Variants in XKR4 observed in about 807,000 individuals in gnomAD.
XKR4 encodes XK related 4.
XKR4 carries 12 observed loss-of-function variants against 53.9 expected under a neutral mutation model. That is an observed-to-expected ratio of 0.22 (90% CI 0.14 to 0.36). The LOEUF is 0.36. Ranked by LOEUF, XKR4 falls within the 10% of genes least tolerant of loss-of-function variation. The pLI is 1.00. For missense variants in XKR4, 799 were observed against 859.5 expected, an observed-to-expected ratio of 0.93 and a Z score of 0.88; for synonymous variants, 354 against 362.4, an observed-to-expected ratio of 0.98 and a Z score of 0.26.
At chr8:55,457,136 T>TTTTCC (rs1805581690) in intron 2 of XKR4, among the ~76,000 whole-genome samples, 1 of 141,096 alleles carries the variant, frequency 7.1e-6, no homozygotes, top group Non-Finnish European at 1.6e-5. Flanking sequence ...GCTGAATTTT[T>TTTTCC]TTTCCTTTTC....
At chr8:55,361,620 G>C (rs946139938) in intron 2 of XKR4, among the ~76,000 whole-genome samples, 4 of 151,900 alleles carry the variant, frequency 2.6e-5, no homozygotes, top group African/African-American at 9.7e-5. Flanking sequence ...CCTTGGAGCA[G>C]TCCTAGAGCC....
At chr8:55,392,418 G>T (rs993370881) in intron 2 of XKR4, among the ~76,000 whole-genome samples, 3 of 152,124 alleles carry the variant, frequency 2.0e-5, no homozygotes, top group Non-Finnish European at 4.4e-5. Context: ...ATGAGACAAT[G>T]TTTTTTAAAA....
At chr8:55,258,483 T>A (rs1224056928) in intron 1 of XKR4, among the ~76,000 whole-genome samples, 1 of 152,214 alleles carries the variant, frequency 6.6e-6, no homozygotes, top group Admixed American at 6.5e-5. Flanking sequence ...ATTAAATTCC[T>A]ATAATCCCTG....
intron 1 of XKR4, among the ~76,000 whole-genome samples, chr8:55,197,539 A>G (rs939644881): frequency 4.1e-5 from 6 of 147,988 alleles, no homozygotes; most frequent in African/African-American, 1.5e-4. Flanking sequence ...CGCTGGGTTC[A>G]GCTAAATTTT....
intron 2 of XKR4, among the ~76,000 whole-genome samples, chr8:55,506,880 C>G (rs187151953): frequency 2.2e-4 from 34 of 152,344 alleles, no homozygotes; most frequent in Non-Finnish European, 3.7e-4. Context: ...GAATATTCCA[C>G]AAGGACAATT....
intron 1 of XKR4, among the ~76,000 whole-genome samples, chr8:55,261,277 G>T (rs1172593347): frequency 6.6e-6 from 1 of 151,952 alleles, no homozygotes; most frequent in African/African-American, 2.4e-5. Flanking sequence ...AAAAGAAATG[G>T]GTCAGACAAG....
At chr8:55,505,116 A>G (rs1806506057) in intron 2 of XKR4, among the ~76,000 whole-genome samples, 1 of 151,622 alleles carries the variant, frequency 6.6e-6, no homozygotes, top group Admixed American at 6.6e-5. Flanking sequence ...TCTACTTTTT[A>G]TAGTTTTTTA....
chr8:55,399,549 C>T lies in XKR4; in HGVS notation c.1006+41672C>T, dbSNP rs1804568986. On this transcript the variant is annotated intron_variant, in intron 2 of 2. Transcript: ENST00000327381. ...TAAAATGCATGTTCCTATTCCCATC[C>T]CTAACCACATGTGTGGAAATGCACT... Among the ~76,000 whole-genome samples, 3 of 152,288 alleles carry T rather than the reference C, an allele frequency of 2.0e-5. No homozygotes were observed. The South Asian group carries it at 6.2e-4, about 32-fold the overall frequency.
chr8:55,423,344 C>T (rs1168717230), intron 2 of XKR4, among the ~76,000 whole-genome samples: 1 of 152,192 alleles, frequency 6.6e-6, no homozygotes, highest in Non-Finnish European at 1.5e-5. Flanking sequence ...ATCCACCTGC[C>T]TCGGCCTCCC....
At chr8:55,255,453 T>C (rs1299594231) in intron 1 of XKR4, among the ~76,000 whole-genome samples, 2 of 152,186 alleles carry the variant, frequency 1.3e-5, no homozygotes, top group Non-Finnish European at 2.9e-5. Context: ...TTTCATCCAA[T>C]TACCAAATTA....
At chr8:55,201,638 G>C (rs776310626) in intron 1 of XKR4, among the ~76,000 whole-genome samples, 11 of 152,194 alleles carry the variant, frequency 7.2e-5, no homozygotes, top group African/African-American at 1.2e-4. Flanking sequence ...TGTGACTTAA[G>C]TGGGGAGCTT....
intron 2 of XKR4, among the ~76,000 whole-genome samples, chr8:55,368,619 G>C (rs937700214): frequency 2.6e-5 from 4 of 152,044 alleles, no homozygotes; most frequent in East Asian, 1.9e-4. Context: ...CTTACTCTGC[G>C]TGATTTTCTC....
At chr8:55,455,353 G>C (rs1585583391) in intron 2 of XKR4, among the ~76,000 whole-genome samples, 1 of 152,168 alleles carries the variant, frequency 6.6e-6, no homozygotes, top group Non-Finnish European at 1.5e-5. Flanking sequence ...TAGAGCTTCA[G>C]GTAAAGGCAG....
intron 2 of XKR4, among the ~76,000 whole-genome samples, chr8:55,428,556 C>T (rs957648098): frequency 6.6e-6 from 1 of 152,188 alleles, no homozygotes; most frequent in Non-Finnish European, 1.5e-5. Flanking sequence ...CAAACCGCAC[C>T]GGAGTGGTGT....
At chr8:55,126,906 C>T (rs1816474771) in intron 1 of XKR4, among the ~76,000 whole-genome samples, 1 of 152,172 alleles carries the variant, frequency 6.6e-6, no homozygotes, top group Admixed American at 6.5e-5. Context: ...TAATAACTTG[C>T]TATTTTCAAA....
chr8:55,397,112 A>G (rs1028789068), intron 2 of XKR4, among the ~76,000 whole-genome samples: 2 of 152,254 alleles, frequency 1.3e-5, no homozygotes, highest in Non-Finnish European at 2.9e-5. Context: ...ACAAAAAAGC[A>G]GAAAACAAGG....
chr8:55,233,399 T>A (rs923495615), intron 1 of XKR4, among the ~76,000 whole-genome samples: 4 of 152,000 alleles, frequency 2.6e-5, no homozygotes, highest in African/African-American at 9.7e-5. Flanking sequence ...TTTTTTTTTT[T>A]AAACCAGGTC....
At chr8:55,130,412 A>G (rs1816537567) in intron 1 of XKR4, among the ~76,000 whole-genome samples, 1 of 152,186 alleles carries the variant, frequency 6.6e-6, no homozygotes, top group Admixed American at 6.5e-5. Flanking sequence ...TGGTACAGTG[A>G]CAAAAGCAAA....
intron 2 of XKR4, among the ~76,000 whole-genome samples, chr8:55,419,494 C>A (rs906309663): frequency 6.6e-6 from 1 of 152,180 alleles, no homozygotes; most frequent in South Asian, 2.1e-4. Context: ...CTAGTTCTAA[C>A]CGTTTTCACT....
Sources: gnomAD v4.1 joint callset for allele counts (sites outside exome capture counted in the v4.1 genomes callset) on GRCh38, gnomAD v4.1.1 for gene constraint, MANE v1.5 for transcripts, NCBI Gene and HGNC (gene_info 2026-07-23, HGNC 2026-07-21) for gene names.